The following FRMD4A variants were observed in gnomAD, a reference collection of about 807,000 sequenced individuals.
FRMD4A encodes the protein FERM domain-containing protein 4A.
In FRMD4A, 29 loss-of-function variants were observed where a neutral mutation model predicts 129.1. The ratio of observed to expected loss-of-function variants is 0.22; its 90% CI spans 0.17 to 0.31. FRMD4A has a LOEUF of 0.31. FRMD4A is among the 10% of genes least tolerant of loss of function. FRMD4A has a pLI of 1.00. For missense variants in FRMD4A, 1,272 were observed against 1,375.8 expected, an observed-to-expected ratio of 0.92 and a Z score of 1.19; for synonymous variants, 634 against 571.6, an observed-to-expected ratio of 1.11 and a Z score of -1.56.
At chr10:13,880,836 C>G (rs527361947) in intron 2 of FRMD4A, among the ~76,000 whole-genome samples, 23 of 152,150 alleles carry the variant, frequency 1.5e-4, no homozygotes, top group Non-Finnish European at 3.4e-4. Flanking sequence ...TTCCCTTCCT[C>G]TGCTTTGTTT....
chr10:13,985,626 A>G lies in FRMD4A; in HGVS notation c.46-126714T>C, dbSNP rs1437154140. 2.6e-5 allele frequency among the ~76,000 whole-genome samples: 4 copies of G among 152,182 alleles called. No homozygotes were observed. In the East Asian group the frequency reaches 7.7e-4, roughly 29 times the overall value. ...AGGGTTAGCAAAAGCCAGCCATGGA[A>G]CCATGTCGCAGCCCTGGCAGGCACC... is the stretch of plus-strand genomic sequence containing the variant. On this transcript the variant is annotated intron_variant, in intron 2 of 24. Transcript: ENST00000357447.
chr10:13,660,395 T>C lies in FRMD4A; in HGVS notation c.1819A>G (p.Lys607Glu). ...GAGGACTCACTCCACATTTTGGGCT[T>C]GATGGGTGACTTGTCATAGTCGTTG... is the stretch of plus-strand genomic sequence containing the variant. ...HRNDYDKSPIKPKMWSESSLD... is the reference protein window; with the variant it reads ...HRNDYDKSPIEPKMWSESSLD... The change falls in exon 20 of 25, where the codon AAG becomes GAG. Residue 607 changes from lysine to glutamate, a missense_variant. Transcript: ENST00000357447. 2 of 1,614,166 alleles carry C rather than the reference T, an allele frequency of 1.2e-6. No individual in the cohort carries two copies. The highest frequency in any genetic ancestry group is 1.7e-6 in the Non-Finnish European group (2 of 1,179,998).
chr10:13,945,425 A>G (rs2095324545), intron 2 of FRMD4A, among the ~76,000 whole-genome samples: 1 of 152,154 alleles, frequency 6.6e-6, no homozygotes, highest in Non-Finnish European at 1.5e-5. Context: ...GCTTACAACC[A>G]GAATGCTATC....
intron 24 of FRMD4A, among the ~76,000 whole-genome samples, chr10:13,650,267 G>A (rs1290844756): frequency 6.6e-6 from 1 of 152,126 alleles, no homozygotes; most frequent in Non-Finnish European, 1.5e-5. Flanking sequence ...ACATACTGGG[G>A]TTGTTGAACA....
At chr10:14,255,886 A>T (rs1331113918) in intron 2 of FRMD4A, among the ~76,000 whole-genome samples, 1 of 151,856 alleles carries the variant, frequency 6.6e-6, no homozygotes, top group Non-Finnish European at 1.5e-5. Context: ...TGCACCTTTA[A>T]TCTCAGCTAC....
intron 2 of FRMD4A, chr10:13,971,760 T>C (rs2095519883): frequency 7.7e-7 from 1 of 1,304,256 alleles, no homozygotes; most frequent in Non-Finnish European, 1.0e-6. Context: ...AGGTTCCAAC[T>C]CCACGGTGGG....
chr10:14,262,804 T>C (rs1020927347), intron 2 of FRMD4A, among the ~76,000 whole-genome samples: 1 of 152,206 alleles, frequency 6.6e-6, no homozygotes, highest in South Asian at 2.1e-4. Flanking sequence ...TGCTGGTTCA[T>C]GAGGATGTAG....
At chr10:13,651,237 T>TTGGAAAAGCAGTGCTCATAGC (rs1227130002) in intron 24 of FRMD4A, 5 of 152,206 alleles carry the variant, frequency 3.3e-5, no homozygotes, top group Admixed American at 3.3e-4. Context: ...TTATGGACAT[T>TTGGAAAAGCAGTGCTCATAGC]TGGAAAAGCA....
intron 2 of FRMD4A, among the ~76,000 whole-genome samples, chr10:14,063,760 TC>T (rs1193806175): frequency 2.0e-5 from 3 of 152,052 alleles, no homozygotes; most frequent in African/African-American, 4.8e-5. Flanking sequence ...TTTAGCTAAC[TC>T]CCATCTGGTA....
At chr10:13,912,257 G>A (rs2488566) in intron 2 of FRMD4A, among the ~76,000 whole-genome samples, 146,186 of 152,208 alleles carry the variant, frequency 0.96, 70,465 homozygotes, top group East Asian at 1. Flanking sequence ...AGGGATCAGG[G>A]CCCTTGTGCA....
At chr10:14,268,081 A>G (rs1480922008) in intron 2 of FRMD4A, among the ~76,000 whole-genome samples, 1 of 152,244 alleles carries the variant, frequency 6.6e-6, no homozygotes, top group Non-Finnish European at 1.5e-5. Context: ...GTGCTCTGGA[A>G]CATGATCAAA....
chr10:13,848,835 G>T (rs1017062440), intron 3 of FRMD4A, among the ~76,000 whole-genome samples: 2 of 152,156 alleles, frequency 1.3e-5, no homozygotes, highest in Non-Finnish European at 2.9e-5. Context: ...CTTACCAAGG[G>T]GGAAACGACT....
At chr10:13,746,225 G>C (rs1215510333) in intron 9 of FRMD4A, among the ~76,000 whole-genome samples, 1 of 151,620 alleles carries the variant, frequency 6.6e-6, no homozygotes, top group Non-Finnish European at 1.5e-5. Flanking sequence ...TTGTTTGTTT[G>C]TTTTGAGATG....
At chr10:14,273,818 G>C (rs1347702137) in intron 2 of FRMD4A, among the ~76,000 whole-genome samples, 2 of 152,140 alleles carry the variant, frequency 1.3e-5, no homozygotes, top group Admixed American at 6.5e-5. Context: ...TGAGAGCCAG[G>C]CTGTCTCATA....
intron 2 of FRMD4A, among the ~76,000 whole-genome samples, chr10:14,075,226 C>T (rs1433846509): frequency 2.6e-5 from 4 of 152,152 alleles, no homozygotes; most frequent in Non-Finnish European, 5.9e-5. Flanking sequence ...GTTGTAAGCA[C>T]TTTATGTCCT....
chr10:13,897,573 C>G (rs1484167312), intron 2 of FRMD4A, among the ~76,000 whole-genome samples: 2 of 152,166 alleles, frequency 1.3e-5, no homozygotes, highest in South Asian at 4.1e-4. Flanking sequence ...GGCAGGCAAC[C>G]TGATGGGCCA....
At chr10:13,866,267 C>T (rs1424988213) in intron 2 of FRMD4A, 4 of 979,662 alleles carry the variant, frequency 4.1e-6, no homozygotes, top group Non-Finnish European at 4.8e-6. Flanking sequence ...TTACCGCTGA[C>T]AGCACGTCTT....
At chr10:13,663,202 AAAAG>A in intron 19 of FRMD4A, among the ~76,000 whole-genome samples, 1 of 152,092 alleles carries the variant, frequency 6.6e-6, no homozygotes, top group Non-Finnish European at 1.5e-5. Flanking sequence ...AAAAAAAAAA[AAAAG>A]TTTTTGGCTT....
chr10:14,161,023 C>T (rs997378117), intron 2 of FRMD4A, among the ~76,000 whole-genome samples: 2 of 152,122 alleles, frequency 1.3e-5, no homozygotes, highest in East Asian at 1.9e-4. Context: ...GGCACAATCT[C>T]GGCTCACTGT....
Sources: gnomAD v4.1 joint callset for allele counts (sites outside exome capture counted in the v4.1 genomes callset) on GRCh38, gnomAD v4.1.1 for gene constraint, MANE v1.5 for transcripts, NCBI Gene and HGNC (gene_info 2026-07-23, HGNC 2026-07-21) for gene names.